Variants in DPF2 observed in about 807,000 individuals in gnomAD.
DPF2 encodes the protein zinc finger protein ubi-d4.
In DPF2, 10 loss-of-function variants were observed where a neutral mutation model predicts 59.6. The ratio of observed to expected loss-of-function variants is 0.17; its 90% CI spans 0.10 to 0.28. The LOEUF (loss-of-function observed/expected upper bound fraction) is 0.28. DPF2 is among the 10% of genes least tolerant of loss of function. The probability of loss-of-function intolerance (pLI) is 1.00; values close to 1 mark genes in which losing one functional copy is unlikely to be tolerated. For synonymous variants in DPF2, 189 were observed against 190.6 expected (o/e 0.99, Z 0.07); for missense variants, 315 against 509.4 (o/e 0.62, Z 3.67).
At position 65,337,498 on chromosome 11, in the gene DPF2, T is replaced by TAG. The variant is rs1565527628; in HGVS notation, c.33-2886_33-2885insGA. On this transcript the variant is annotated intron_variant, in intron 1 of 10. Transcript: ENST00000528416. ...AAATATATATATATATATATATATATATATATAGAGAGAGAGAGAGAGAGA... is the reference window on the plus strand; with the variant it reads ...AAATATATATATATATATATATATATAGATATATAGAGAGAGAGAGAGAGAGA... Among the ~76,000 whole-genome samples, 40 of 48,014 alleles carry TAG rather than the reference T, an allele frequency of 8.3e-4. 1 individual carries two copies. Among genetic ancestry groups the TAG allele is most frequent in the African/African-American group, 1.2e-3 (14 of 11,828 alleles). The allele number at this position is 48,014 out of a possible 152,430, so 31.5% of individuals were successfully genotyped here. A position where few individuals can be genotyped will look rare whatever the true frequency, so the allele number is the denominator to read the frequency against.
rs1194823894 is a variant in DPF2, at chr11:65,346,011, C to T, written c.857C>T (p.Thr286Met). 1 of 1,614,180 alleles carries T rather than the reference C, an allele frequency of 6.2e-7. No homozygotes were observed. The change falls in exon 8 of 11, where the codon ACG (threonine) becomes ATG (methionine). Residue 286 changes from threonine to methionine, a missense_variant. By Grantham distance (81) the Thr-to-Met change is moderately conservative. Transcript: ENST00000528416. ...GGGGACTCAAAGATTAACAAGAAGA[C>T]GGGACAACCCGAGGAGCTGGTGTCC... ...CLGDSKINKK[T>M]GQPEELVSCS...
chr11:65,336,019 G>A (rs984007913), intron 1 of DPF2, among the ~76,000 whole-genome samples: 11 of 151,564 alleles, frequency 7.3e-5, no homozygotes, highest in African/African-American at 2.2e-4. Flanking sequence ...TCACCATGTT[G>A]GCCAGGCTGG....
intron 1 of DPF2, among the ~76,000 whole-genome samples, chr11:65,335,154 T>C (rs1950079857): frequency 6.6e-6 from 1 of 151,888 alleles, no homozygotes; most frequent in Non-Finnish European, 1.5e-5. Flanking sequence ...AACGCTATTG[T>C]CTTTCTCTCT....
rs777383722 is a variant in DPF2, at chr11:65,340,988, C to T, written c.216C>T (p.Tyr72=). Residue 72 remains tyrosine, a synonymous_variant, in exon 3 of 11, where the codon TAC becomes TAT. Coordinates refer to ENST00000528416, the MANE Select transcript of DPF2 (RefSeq NM_006268.5). ...RGPGLASGQL[Y]SYPARRWRKK... is the part of the protein sequence containing the mutation. ...CAGGATTGGCCTCCGGACAGCTGTA[C>T]TCCTACCCTGCCCGGCGCTGGCGGA... is the stretch of plus-strand genomic sequence containing the variant. The T allele has an allele frequency of 2.5e-6, 4 of 1,614,018 alleles. No homozygotes were observed. The highest frequency in any genetic ancestry group is 1.1e-5 in the South Asian group (1 of 91,082).
intron 1 of DPF2, 35 bp from the exon 2 acceptor site, chr11:65,340,350 C>G: frequency 6.2e-7 from 1 of 1,608,640 alleles, no homozygotes; most frequent in South Asian, 1.1e-5. Context: ...GCCCCCCGCT[C>G]CAACATACAC....
At position 65,343,550 on chromosome 11, in the gene DPF2, G is replaced by C. The variant is rs566284901; in HGVS notation, c.466-195G>C. On this transcript the variant is annotated intron_variant, in intron 4 of 10. Coordinates refer to ENST00000528416, the MANE Select transcript of DPF2 (RefSeq NM_006268.5). Reference sequence around the variant, plus strand: ...GCTAAGGAAATAACGTGAAGCACAGGGGAAAGATATCCCAAAGTATGGAAG... The same window carrying C: ...GCTAAGGAAATAACGTGAAGCACAGCGGAAAGATATCCCAAAGTATGGAAG... 3 of 592,454 alleles carry C rather than the reference G, an allele frequency of 5.1e-6. No individual in the cohort carries two copies. The South Asian group carries it at 6.3e-5, about 12-fold the overall frequency. 36.7% of individuals were successfully genotyped at this position (592,454 alleles called of 1,614,324 possible).
At chr11:65,341,124 C>T in intron 3 of DPF2, 51 bp downstream of exon 3, 1 of 1,572,332 alleles carries the variant, frequency 6.4e-7, no homozygotes, top group Non-Finnish European at 8.7e-7. Context: ...ATGGTGAGAG[C>T]CTGCTAATCA....
At chr11:65,348,632 G>T in intron 9 of DPF2, 13 of 295,656 alleles carry the variant, frequency 4.4e-5, no homozygotes, top group Non-Finnish European at 5.5e-5. Flanking sequence ...AAAAAAAAAA[G>T]TGGAGGTGAT....
chr11:65,337,226 C>T (rs1472077765), intron 1 of DPF2, among the ~76,000 whole-genome samples: 2 of 151,402 alleles, frequency 1.3e-5, no homozygotes, highest in Admixed American at 6.6e-5. Context: ...CCGAGGTGGG[C>T]GGATCATGAG....
chr11:65,353,068 T>A lies in DPF2; in HGVS notation c.*1309T>A, dbSNP rs1268796328. The A allele has an allele frequency of 1.3e-5, 2 of 152,072 alleles. No homozygotes were observed. The highest frequency in any genetic ancestry group is 1.9e-4 in the East Asian group (1 of 5,202). 9.4% of individuals were successfully genotyped at this position (152,072 alleles called of 1,614,324 possible). A position where few individuals can be genotyped will look rare whatever the true frequency, so the allele number is the denominator to read the frequency against. On this transcript the variant is annotated 3_prime_UTR_variant, in exon 11 of 11. Coordinates refer to ENST00000528416, the MANE Select transcript of DPF2 (RefSeq NM_006268.5). ...TTTCCATGATGGTGGTTTTTTTTTT[T>A]AATGTTTTGAAATACAGCTTTTTTC...
At chr11:65,335,852 G>A (rs929693211) in intron 1 of DPF2, among the ~76,000 whole-genome samples, 3 of 151,570 alleles carry the variant, frequency 2.0e-5, no homozygotes, top group South Asian at 2.1e-4. Context: ...CACTGTTGTC[G>A]GCCCGGGCTG....
intron 1 of DPF2, among the ~76,000 whole-genome samples, chr11:65,337,351 C>G (rs1854192042): frequency 1.4e-5 from 2 of 146,858 alleles, no homozygotes; most frequent in Admixed American, 1.4e-4. Flanking sequence ...GCAAGAGAAT[C>G]GTTGGAACCC....
intron 10 of DPF2, among the ~76,000 whole-genome samples, chr11:65,349,611 C>A (rs985622421): frequency 6.6e-6 from 1 of 152,048 alleles, no homozygotes. Flanking sequence ...CTGGCTAACA[C>A]GGTGAAACCC....
At position 65,346,243 on chromosome 11, in the gene DPF2, A is replaced by C. The variant is rs201162180; in HGVS notation, c.905-4A>C. 1 of 1,613,058 alleles carries C rather than the reference A, an allele frequency of 6.2e-7. No homozygotes were observed. The highest frequency in any genetic ancestry group is 2.2e-5 in the East Asian group (1 of 44,828). ...GTCTGTCTCACTCACTTCCCCCACT[A>C]CAGGGCATCCATCTTGCCTCCAATT... On this transcript the variant is annotated splice_region_variant and splice_polypyrimidine_tract_variant and intron_variant, in intron 8 of 10. Transcript: ENST00000528416.
chr11:65,343,543 A>G, intron 4 of DPF2: 1 of 580,638 alleles, frequency 1.7e-6, no homozygotes, highest in Non-Finnish European at 3.1e-6. Flanking sequence ...AATAACGTGA[A>G]GCACAGGGGA....
At chr11:65,337,100 C>A (rs539480229) in intron 1 of DPF2, among the ~76,000 whole-genome samples, 1 of 152,224 alleles carries the variant, frequency 6.6e-6, no homozygotes, top group African/African-American at 2.4e-5. Context: ...AGCGTTCTTA[C>A]TAGGAAAGTA....
chr11:65,346,483 C>T (rs1854534854), intron 9 of DPF2, 124 bp downstream of exon 9: 7 of 759,928 alleles, frequency 9.2e-6, no homozygotes, highest in Admixed American at 2.7e-5. Context: ...TGCCACACGC[C>T]CCTCCCTAGC....
At chr11:65,337,523 AG>A (rs1854226598) in intron 1 of DPF2, among the ~76,000 whole-genome samples, 2 of 135,488 alleles carry the variant, frequency 1.5e-5, no homozygotes, top group African/African-American at 5.4e-5. Flanking sequence ...AGAGAGAGAG[AG>A]AGAGAGAGAG....
chr11:65,344,609 G>C (rs1231413322), intron 6 of DPF2: 2 of 1,535,854 alleles, frequency 1.3e-6, no homozygotes, highest in Non-Finnish European at 1.7e-6. Flanking sequence ...TACCTCGAAA[G>C]CGCCCCAGAG....
Sources: allele counts gnomAD v4.1 joint callset (sites outside exome capture counted in the v4.1 genomes callset), GRCh38; gene constraint gnomAD v4.1.1; transcripts MANE v1.5; gene names NCBI Gene and HGNC (gene_info 2026-07-23, HGNC 2026-07-21).